Variants in PHF24 observed in about 807,000 individuals in gnomAD.
PHF24 encodes Galpha inhibitory interacting protein.
Under a neutral mutation model 42.6 loss-of-function variants are expected in PHF24, and 25 were observed. The observed-to-expected ratio is 0.59, with a 90% confidence interval of 0.43 to 0.82. PHF24 has a LOEUF of 0.82. Ranked by LOEUF, PHF24 falls within the 40% of genes least tolerant of loss-of-function variation. The pLI is 0.00. For missense variants in PHF24, 470 were observed against 538.1 expected (o/e 0.87, Z 1.25); for synonymous variants, 185 against 204.8 (o/e 0.90, Z 0.83).
the PHF24 span, among the ~76,000 whole-genome samples, chr9:34,828,140 C>T: frequency 2.2e-4 from 33 of 152,078 alleles, no homozygotes; most frequent in East Asian, 9.7e-4. Flanking sequence ...CCCACAGCCA[C>T]GGCCCCTCCC....
the PHF24 span, chr9:34,690,073 G>A: frequency 6.8e-5 from 108 of 1,598,608 alleles, 1 homozygote; most frequent in South Asian, 1.2e-3. Flanking sequence ...AGCATGCCTG[G>A]GGACCATGTC....
chr9:34,705,978 A>C, the PHF24 span, among the ~76,000 whole-genome samples: 3 of 152,210 alleles, frequency 2.0e-5, no homozygotes, highest in African/African-American at 7.2e-5. Context: ...GTATATCTTA[A>C]ACATTATGTT....
the PHF24 span, chr9:34,723,552 C>T: frequency 1.3e-6 from 2 of 1,551,778 alleles, no homozygotes; most frequent in South Asian, 2.4e-5. Context: ...TCCTCATGCC[C>T]TTTGCCTTTT....
chr9:34,943,002 T>TA, the PHF24 span, among the ~76,000 whole-genome samples: 1,701 of 151,770 alleles, frequency 0.011, 22 homozygotes, highest in African/African-American at 0.039. Context: ...AGTATAATAA[T>TA]AAAAAAAGAA....
At chr9:34,807,508 C>A in the PHF24 span, among the ~76,000 whole-genome samples, 57 of 151,992 alleles carry the variant, frequency 3.8e-4, no homozygotes, top group African/African-American at 1.4e-3. Flanking sequence ...TTATAAAATC[C>A]CAAAGGGTAT....
chr9:34,942,450 T>G, the PHF24 span, among the ~76,000 whole-genome samples: 1 of 152,170 alleles, frequency 6.6e-6, no homozygotes, highest in African/African-American at 2.4e-5. Context: ...TTAGGGTGTC[T>G]CCCACCCTCT....
chr9:34,956,161 A>G (rs970031789), upstream of PHF24, among the ~76,000 whole-genome samples: 4 of 152,152 alleles, frequency 2.6e-5, no homozygotes, highest in East Asian at 7.7e-4. Context: ...CTTGTCCTCT[A>G]TGAGATTATA....
chr9:34,792,772 C>T, the PHF24 span, among the ~76,000 whole-genome samples: 2 of 152,152 alleles, frequency 1.3e-5, no homozygotes, highest in Non-Finnish European at 2.9e-5. Flanking sequence ...AGAATACTTG[C>T]TAATGTCTTA....
At chr9:34,856,848 C>T in the PHF24 span, among the ~76,000 whole-genome samples, 1 of 152,242 alleles carries the variant, frequency 6.6e-6, no homozygotes, top group East Asian at 1.9e-4. Flanking sequence ...CCAGAGCCAG[C>T]AGGCTGTAAA....
At chr9:34,876,367 T>C in the PHF24 span, among the ~76,000 whole-genome samples, 1 of 152,160 alleles carries the variant, frequency 6.6e-6, no homozygotes, top group Admixed American at 6.5e-5. Context: ...GAACCTTAAG[T>C]ACATATTACT....
the PHF24 span, chr9:34,728,489 G>T: frequency 1.1e-6 from 1 of 902,152 alleles, no homozygotes; most frequent in Non-Finnish European, 1.7e-6. Context: ...ATTTCAGTCT[G>T]GGGAACTGGA....
the PHF24 span, chr9:34,889,049 G>C: frequency 2.5e-6 from 1 of 398,398 alleles, no homozygotes; most frequent in Non-Finnish European, 4.4e-6. Flanking sequence ...AAATGAGGAG[G>C]CACAAACAGG....
chr9:34,972,439 TG>T lies in PHF24; in HGVS notation c.473del (p.Cys158SerfsTer16). 1 of 1,614,206 alleles carries T rather than the reference TG, an allele frequency of 6.2e-7. No homozygotes were observed. Among genetic ancestry groups the T allele is most frequent in the Non-Finnish European group, 8.5e-7 (1 of 1,180,014 alleles). ...CTGCACCAGGGTTTTCCATGATGGC[TG>T]CCTGCGCCGCATGGGCTACATCCAA... On this transcript the variant is annotated frameshift_variant, in exon 3 of 8. Transcript: ENST00000242315. LOFTEE classifies it high-confidence loss of function.
At chr9:34,924,306 A>T in the PHF24 span, among the ~76,000 whole-genome samples, 1 of 149,732 alleles carries the variant, frequency 6.7e-6, no homozygotes, top group African/African-American at 2.5e-5. Context: ...GTAAATTTTG[A>T]TTAGGTCCTT....
the PHF24 span, among the ~76,000 whole-genome samples, chr9:34,860,711 T>A: frequency 6.6e-6 from 1 of 151,376 alleles, no homozygotes; most frequent in African/African-American, 2.5e-5. Context: ...TGTGTGTGCA[T>A]GCACTCGTGT....
the PHF24 span, among the ~76,000 whole-genome samples, chr9:34,792,273 T>C: frequency 2.0e-5 from 3 of 152,172 alleles, no homozygotes; most frequent in Non-Finnish European, 2.9e-5. Context: ...TTGATGAAAG[T>C]GTGGTTATGT....
At chr9:34,711,557 T>C in the PHF24 span, among the ~76,000 whole-genome samples, 1 of 150,200 alleles carries the variant, frequency 6.7e-6, no homozygotes, top group African/African-American at 2.5e-5. Context: ...TTTTTTTTTT[T>C]TTTGAGACAG....
chr9:34,848,216 A>G, the PHF24 span, among the ~76,000 whole-genome samples: 18 of 151,446 alleles, frequency 1.2e-4, no homozygotes, highest in Non-Finnish European at 2.1e-4. Flanking sequence ...TTCGGCTGTG[A>G]ATCCATCTGG....
At chr9:34,891,698 C>T in the PHF24 span, among the ~76,000 whole-genome samples, 1 of 152,170 alleles carries the variant, frequency 6.6e-6, no homozygotes, top group African/African-American at 2.4e-5. Context: ...AGAATGCTTC[C>T]TCCCTCTTGA....
Sources: allele counts gnomAD v4.1 joint callset (sites outside exome capture counted in the v4.1 genomes callset), GRCh38; gene constraint gnomAD v4.1.1; transcripts MANE v1.5; gene names NCBI Gene and HGNC (gene_info 2026-07-23, HGNC 2026-07-21).